RNF13: variants seen among roughly 807,000 people sequenced by gnomAD.
The protein encoded by RNF13 is E3 ubiquitin-protein ligase RNF13.
Under a neutral mutation model 37.7 loss-of-function variants are expected in RNF13, and 19 were observed. The observed-to-expected ratio is 0.50, with a 90% confidence interval of 0.35 to 0.74. The LOEUF (loss-of-function observed/expected upper bound fraction) is 0.74, where lower values mean the gene tolerates loss of function less well. Ranked by LOEUF, RNF13 falls within the 30% of genes least tolerant of loss-of-function variation. The pLI, the probability that RNF13 is intolerant of heterozygous loss-of-function variation, is 0.01. For synonymous variants in RNF13, 144 were observed against 157.8 expected (o/e 0.91, Z 0.65); for missense variants, 375 against 453.0 (o/e 0.83, Z 1.56).
intron 8 of RNF13, among the ~76,000 whole-genome samples, chr3:149,932,935 TCCTGGGACAGACTTCTGCCTGGGA>T (rs1719308707): frequency 6.6e-6 from 1 of 152,268 alleles, no homozygotes; most frequent in Non-Finnish European, 1.5e-5. Context: ...GGGGGCTATG[TCCTGGGACAGACTTCTGCCTGGGA>T]CCCAGGCTTT....
chr3:149,940,916 T>C (rs561775390), intron 8 of RNF13, among the ~76,000 whole-genome samples: 24 of 152,344 alleles, frequency 1.6e-4, no homozygotes, highest in Admixed American at 7.8e-4. Flanking sequence ...TTGACTACTT[T>C]AGATACTTCA....
chr3:149,932,907 C>G (rs542055858), intron 8 of RNF13, among the ~76,000 whole-genome samples: 7 of 152,380 alleles, frequency 4.6e-5, no homozygotes, highest in Non-Finnish European at 8.8e-5. Context: ...CAATACTGCA[C>G]TAGCAGAGTT....
At chr3:149,947,346 G>T (rs1000553436) in intron 8 of RNF13, among the ~76,000 whole-genome samples, 1 of 151,148 alleles carries the variant, frequency 6.6e-6, no homozygotes, top group Non-Finnish European at 1.5e-5. Context: ...TATTCTTACT[G>T]AAAGTGGGGT....
chr3:149,946,761 T>C (rs887103799), intron 8 of RNF13, among the ~76,000 whole-genome samples: 1 of 152,164 alleles, frequency 6.6e-6, no homozygotes, highest in Non-Finnish European at 1.5e-5. Context: ...ATACCAACTG[T>C]TGGTTTTGTT....
At chr3:149,941,404 C>T (rs746346415) in intron 8 of RNF13, among the ~76,000 whole-genome samples, 10 of 152,116 alleles carry the variant, frequency 6.6e-5, no homozygotes, top group Middle Eastern at 3.4e-3. Flanking sequence ...GTCGATATCT[C>T]ATTGTTTTGA....
chr3:149,896,803 A>G (rs1715319487), intron 5 of RNF13, among the ~76,000 whole-genome samples: 4 of 152,090 alleles, frequency 2.6e-5, no homozygotes, highest in Admixed American at 2.6e-4. Flanking sequence ...TAACCCTAAT[A>G]GAGTGAGGCA....
At chr3:149,904,436 A>G (rs1379304382) in intron 6 of RNF13, among the ~76,000 whole-genome samples, 1 of 152,092 alleles carries the variant, frequency 6.6e-6, no homozygotes, top group Non-Finnish European at 1.5e-5. Context: ...GCTGGAGTGC[A>G]GTGGCATGGT....
chr3:149,851,811 A>G (rs759019227), intron 2 of RNF13, among the ~76,000 whole-genome samples: 5 of 152,166 alleles, frequency 3.3e-5, no homozygotes, highest in African/African-American at 4.8e-5. Context: ...GAACATTATT[A>G]AATGATACAG....
intron 1 of RNF13, among the ~76,000 whole-genome samples, chr3:149,844,701 A>G (rs1722478407): frequency 6.6e-6 from 1 of 152,172 alleles, no homozygotes; most frequent in African/African-American, 2.4e-5. Context: ...TTTCTGTACC[A>G]TGGTATGTTA....
At chr3:149,843,161 A>C (rs1559900997) in intron 1 of RNF13, among the ~76,000 whole-genome samples, 1 of 152,318 alleles carries the variant, frequency 6.6e-6, no homozygotes, top group East Asian at 1.9e-4. Flanking sequence ...CACTATTTAC[A>C]TAGCATTTAC....
At chr3:149,876,960 A>G (rs1712782331) in intron 4 of RNF13, among the ~76,000 whole-genome samples, 1 of 151,604 alleles carries the variant, frequency 6.6e-6, no homozygotes, top group African/African-American at 2.4e-5. Context: ...TTGTGTTTTT[A>G]GTAGAGATGG....
At chr3:149,959,015 C>T (rs983657976) in intron 8 of RNF13, among the ~76,000 whole-genome samples, 1 of 152,148 alleles carries the variant, frequency 6.6e-6, no homozygotes, top group South Asian at 2.1e-4. Flanking sequence ...CATGTTCATC[C>T]AGACTATCCA....
At chr3:149,849,852 TTTTG>T (rs1404313431) in intron 2 of RNF13, among the ~76,000 whole-genome samples, 1 of 152,188 alleles carries the variant, frequency 6.6e-6, no homozygotes, top group African/African-American at 2.4e-5. Context: ...CAATTAAACC[TTTTG>T]TTAAGGAAGC....
chr3:149,877,997 C>T (rs925729398), intron 4 of RNF13, among the ~76,000 whole-genome samples: 2 of 152,066 alleles, frequency 1.3e-5, no homozygotes, highest in African/African-American at 2.4e-5. Flanking sequence ...AAGCAAAATT[C>T]CCTTCTTTTA....
At chr3:149,916,997 A>T (rs1484626735) in intron 7 of RNF13, among the ~76,000 whole-genome samples, 2 of 152,186 alleles carry the variant, frequency 1.3e-5, no homozygotes, top group Non-Finnish European at 2.9e-5. Context: ...ACTTAAATTT[A>T]AAAGTTTTTC....
intron 4 of RNF13, among the ~76,000 whole-genome samples, chr3:149,883,946 G>T (rs970277757): frequency 3.3e-5 from 5 of 152,144 alleles, no homozygotes; most frequent in African/African-American, 9.7e-5. Context: ...GTGAGAACAC[G>T]TGGTGTTTGG....
rs552661653 is a variant in RNF13, at chr3:149,914,821, C to G, written c.606+2738C>G. Among the ~76,000 whole-genome samples the G allele has an allele frequency of 3.2e-3, 488 of 151,942 alleles. 1 individual carries two copies. The highest frequency in any genetic ancestry group is 4.8e-3 in the Non-Finnish European group (327 of 67,946). On this transcript the variant is annotated intron_variant, in intron 7 of 9. Transcript: ENST00000392894. ...GGTGTGGTGGCAGGCGTCTATAATC[C>G]CAGCTACTCGGGAGGCTGAGGCAGG... is the stretch of plus-strand genomic sequence containing the variant.
intron 4 of RNF13, among the ~76,000 whole-genome samples, chr3:149,878,901 C>T (rs1435166436): frequency 6.6e-6 from 1 of 152,142 alleles, no homozygotes; most frequent in Non-Finnish European, 1.5e-5. Context: ...AAGAGAAAAT[C>T]AGTTCTCCAG....
chr3:149,859,362 C>T (rs1522238), intron 3 of RNF13, among the ~76,000 whole-genome samples: 104,574 of 152,048 alleles, frequency 0.69, 36,741 homozygotes, highest in East Asian at 0.9. Context: ...AAAATAAACC[C>T]TTTCCTCTTA....
Sources: gnomAD v4.1 joint callset for allele counts (sites outside exome capture counted in the v4.1 genomes callset) on GRCh38, gnomAD v4.1.1 for gene constraint, MANE v1.5 for transcripts, NCBI Gene and HGNC (gene_info 2026-07-23, HGNC 2026-07-21) for gene names.